Variants in CFAP61 observed in about 807,000 individuals in gnomAD.
The protein encoded by CFAP61 is cilia- and flagella-associated protein 61.
A neutral mutation model predicts 135.6 loss-of-function variants in CFAP61; 107 were observed. The ratio of observed to expected loss-of-function variants is 0.79; its 90% CI spans 0.67 to 0.93. The LOEUF is 0.93. Among genes scored for constraint, CFAP61 ranks in the 40% least tolerant of loss-of-function variants. CFAP61 has a pLI of 0.00. For missense variants in CFAP61, 1,507 were observed against 1,556.2 expected (o/e 0.97, Z 0.53); for synonymous variants, 575 against 578.5 (o/e 0.99, Z 0.09).
chr20:20,231,201 G>T (rs1304414778), intron 18 of CFAP61, among the ~76,000 whole-genome samples: 2 of 152,198 alleles, frequency 1.3e-5, no homozygotes, highest in Non-Finnish European at 2.9e-5. Flanking sequence ...CAATACTGTG[G>T]TGGTGTTCTG....
chr20:20,194,606 C>A (rs117885767), intron 15 of CFAP61, among the ~76,000 whole-genome samples: 1 of 152,252 alleles, frequency 6.6e-6, no homozygotes, highest in East Asian at 1.9e-4. Flanking sequence ...ATTAAATGAT[C>A]AATTTGGGTG....
In CFAP61 at chr20:20,178,979, C is replaced by G. The variant is rs543246804; in HGVS notation, c.1386-8951C>G. ...CTTTGGAATCCAGAAAGACTCAGAT[C>G]ACTTTTTCTTCTCCCTGTTATTTCA... On this transcript the variant is annotated intron_variant, in intron 13 of 26. Transcript: ENST00000245957. Among the ~76,000 whole-genome samples the G allele has an allele frequency of 1.4e-3, 207 of 152,178 alleles. 1 individual carries two copies. The highest frequency in any genetic ancestry group is 2.5e-3 in the Non-Finnish European group (169 of 68,008).
intron 19 of CFAP61, among the ~76,000 whole-genome samples, chr20:20,247,941 A>G (rs534702865): frequency 6.6e-6 from 1 of 152,210 alleles, no homozygotes; most frequent in African/African-American, 2.4e-5. Flanking sequence ...TGCTACTTAA[A>G]TCCTCCTAAA....
intron 25 of CFAP61, chr20:20,322,606 T>C (rs2057573571): frequency 6.7e-6 from 5 of 742,812 alleles, no homozygotes; most frequent in Non-Finnish European, 8.2e-6. Context: ...TGGTATATAT[T>C]TGCCGTGGTA....
intron 21 of CFAP61, among the ~76,000 whole-genome samples, chr20:20,276,215 T>A (rs1379221247): frequency 6.6e-6 from 1 of 152,218 alleles, no homozygotes; most frequent in African/African-American, 2.4e-5. Flanking sequence ...ACACTTGCCA[T>A]TTATTTTGGC....
intron 17 of CFAP61, among the ~76,000 whole-genome samples, chr20:20,227,281 T>C (rs2048805887): frequency 1.3e-5 from 2 of 152,252 alleles, no homozygotes; most frequent in Admixed American, 1.3e-4. Flanking sequence ...ATGAAGTTAA[T>C]GCTGATGTAA....
chr20:20,137,791 C>A (rs1339300002), intron 8 of CFAP61, among the ~76,000 whole-genome samples: 1 of 152,186 alleles, frequency 6.6e-6, no homozygotes, highest in South Asian at 2.1e-4. Flanking sequence ...CCCCTTTACT[C>A]TTTCCTCTGC....
chr20:20,141,597 C>T (rs958215227), intron 8 of CFAP61, among the ~76,000 whole-genome samples: 3 of 152,166 alleles, frequency 2.0e-5, no homozygotes, highest in East Asian at 3.9e-4. Flanking sequence ...TGTACCTCTT[C>T]GACTATGCCA....
Position 20,070,974 on chromosome 20 carries a change from C to G in CFAP61, c.264C>G (p.Phe88Leu), listed in dbSNP as rs1360012494. 2 of 1,614,096 alleles carry G rather than the reference C, an allele frequency of 1.2e-6. No individual in the cohort carries two copies. Among genetic ancestry groups the G allele is most frequent in the Non-Finnish European group, 1.7e-6 (2 of 1,179,988 alleles). ...AGCAGGATGACTGGGTGTCAGTGTT[C>G]CGGGAGCTCGACAGTGACATCCCAT... ...VAKQDDWVSV[F>L]RELDSDIPCT... Residue 88 changes from phenylalanine to leucine, a missense_variant, in exon 3 of 27, where the codon TTC becomes TTG. Transcript: ENST00000245957.
chr20:20,188,173 G>A, intron 14 of CFAP61, 117 bp downstream of exon 14: 1 of 1,059,360 alleles, frequency 9.4e-7, no homozygotes, highest in Non-Finnish European at 1.4e-6. Context: ...GGGGGCAGTG[G>A]AGGTAGAGTT....
intron 13 of CFAP61, among the ~76,000 whole-genome samples, chr20:20,184,193 T>G (rs1230992126): frequency 6.6e-6 from 1 of 152,182 alleles, no homozygotes; most frequent in Non-Finnish European, 1.5e-5. Flanking sequence ...CAGTCCAGTA[T>G]CCAACAACAC....
At chr20:20,056,506 C>T (rs1475590396) in intron 1 of CFAP61, 112 bp from the exon 2 acceptor site, 3 of 713,960 alleles carry the variant, frequency 4.2e-6, no homozygotes, top group South Asian at 1.9e-5. Context: ...CAGGGGAAAA[C>T]GTGTCACACC....
chr20:20,078,514 G>A lies in CFAP61; in HGVS notation c.566+2899G>A, dbSNP rs1037646058. 1.1e-4 allele frequency among the ~76,000 whole-genome samples: 16 copies of A among 152,188 alleles called. 1 individual carries two copies. Among genetic ancestry groups the A allele is most frequent in the Admixed American group, 7.9e-4 (12 of 15,272 alleles). Reference sequence around the variant, plus strand: ...AGAAATAATAGATTTAAATGGACAGGAGAAGGTAGGAAATAGAAACAGAGG... The same window carrying A: ...AGAAATAATAGATTTAAATGGACAGAAGAAGGTAGGAAATAGAAACAGAGG... On this transcript the variant is annotated intron_variant, in intron 6 of 26. Coordinates refer to ENST00000245957, the MANE Select transcript of CFAP61 (RefSeq NM_015585.4).
At chr20:20,282,904 A>G (rs2424324) in intron 22 of CFAP61, among the ~76,000 whole-genome samples, 116,372 of 151,108 alleles carry the variant, frequency 0.77, 45,293 homozygotes, top group Middle Eastern at 0.87. Context: ...GCGCCATTGC[A>G]CTCTAGCCTG....
intron 18 of CFAP61, among the ~76,000 whole-genome samples, chr20:20,230,034 T>TATC (rs11474302): frequency 0.091 from 13,810 of 152,228 alleles, 1,369 homozygotes; most frequent in East Asian, 0.53. Flanking sequence ...GTTAAGAAGT[T>TATC]ATAAACAGGT....
intron 26 of CFAP61, among the ~76,000 whole-genome samples, chr20:20,343,395 C>A (rs1430110975): frequency 1.3e-5 from 2 of 152,148 alleles, no homozygotes; most frequent in Non-Finnish European, 2.9e-5. Flanking sequence ...AAGTTAAAAC[C>A]AAACAGCAGT....
chr20:20,293,928 T>C (rs2055192841), intron 24 of CFAP61, among the ~76,000 whole-genome samples: 1 of 152,162 alleles, frequency 6.6e-6, no homozygotes. Context: ...TCCTGTGTCT[T>C]CCATTTGGCA....
chr20:20,313,128 C>T (rs1380868093), intron 25 of CFAP61, among the ~76,000 whole-genome samples: 2 of 152,154 alleles, frequency 1.3e-5, no homozygotes, highest in Non-Finnish European at 2.9e-5. Flanking sequence ...TTAATGAGAT[C>T]ATAAGGATGG....
intron 18 of CFAP61, among the ~76,000 whole-genome samples, chr20:20,237,494 T>C (rs1315434519): frequency 6.6e-6 from 1 of 152,210 alleles, no homozygotes; most frequent in African/African-American, 2.4e-5. Context: ...GCCCACTCCC[T>C]TCTAGATGTG....
Sources: gnomAD v4.1 joint callset for allele counts (sites outside exome capture counted in the v4.1 genomes callset) on GRCh38, gnomAD v4.1.1 for gene constraint, MANE v1.5 for transcripts, NCBI Gene and HGNC (gene_info 2026-07-23, HGNC 2026-07-21) for gene names.